The following MSN variants were observed in gnomAD, a reference collection of about 807,000 sequenced individuals.
MSN encodes the protein moesin.
MSN carries 2 observed loss-of-function variants against 48.0 expected under a neutral mutation model. The ratio of observed to expected loss-of-function variants is 0.04; its 90% CI spans 0.02 to 0.13. The LOEUF is 0.13. Ranked by LOEUF, MSN falls within the 10% of genes least tolerant of loss-of-function variation. MSN has a pLI of 1.00. For missense variants in MSN, 267 were observed against 470.1 expected (o/e 0.57, Z 3.99); for synonymous variants, 146 against 166.9 (o/e 0.87, Z 0.97).
chrX:65,641,114 A>C (rs1259994982), intron 1 of MSN, among the ~76,000 whole-genome samples: 2 of 111,355 alleles, frequency 1.8e-5, no homozygotes, highest in Non-Finnish European at 3.8e-5. Flanking sequence ...GTCTATAAAT[A>C]AATAAATAAA....
intron 2 of MSN, among the ~76,000 whole-genome samples, chrX:65,724,814 G>C (rs2071552265): frequency 9.0e-6 from 1 of 110,642 alleles, no homozygotes; most frequent in Non-Finnish European, 1.9e-5. Context: ...AGCCTCCCGA[G>C]TAGCTGGGAC....
intron 1 of MSN, among the ~76,000 whole-genome samples, chrX:65,690,922 T>A (rs1485657129): frequency 9.0e-6 from 1 of 111,393 alleles, no homozygotes; most frequent in Admixed American, 9.5e-5. Flanking sequence ...TTACATGTAG[T>A]ATCCCGAGTA....
chrX:65,739,703 C>G, intron 12 of MSN, 26 bp from the exon 13 acceptor site: 1 of 1,189,684 alleles, frequency 8.4e-7, no homozygotes, highest in Non-Finnish European at 1.1e-6. Context: ...AGCCATTGAC[C>G]TCTGTGTTCC....
chrX:65,739,950 C>T lies in MSN; in HGVS notation c.*57C>T. Reference sequence around the variant, plus strand: ...CTTTTTCCTTGTCCCCACACTCCTACACCTAACTCACCTAACTCATACTGT... The same window carrying T: ...CTTTTTCCTTGTCCCCACACTCCTATACCTAACTCACCTAACTCATACTGT... On this transcript the variant is annotated 3_prime_UTR_variant, in exon 13 of 13. Transcript: ENST00000360270. 1 of 1,080,451 alleles carries T rather than the reference C, an allele frequency of 9.3e-7. No homozygotes were observed. The highest frequency in any genetic ancestry group is 1.3e-6 in the Non-Finnish European group (1 of 795,829). The allele number at this position is 1,080,451 out of a possible 1,213,427, so 89.0% of individuals were successfully genotyped here.
rs1244970793 is a variant in MSN, at chrX:65,718,320, T to C, written c.96+1419T>C. 2.7e-5 allele frequency among the ~76,000 whole-genome samples: 3 copies of C among 110,182 alleles called. No homozygotes were observed. The Middle Eastern group carries it at 0.014, about 512-fold the overall frequency. On this transcript the variant is annotated intron_variant, in intron 2 of 12. Coordinates refer to ENST00000360270, the MANE Select transcript of MSN (RefSeq NM_002444.3). ...ACCTCACAGGATTTTTGTGAGTGTGTTATGTTTTGTATCTTACCTGTTACT... is the reference window on the plus strand; with the variant it reads ...ACCTCACAGGATTTTTGTGAGTGTGCTATGTTTTGTATCTTACCTGTTACT...
intron 1 of MSN, among the ~76,000 whole-genome samples, chrX:65,674,072 C>T (rs1462164606): frequency 1.8e-5 from 2 of 110,697 alleles, no homozygotes; most frequent in Non-Finnish European, 3.8e-5. Context: ...CAGGCTCTGA[C>T]CTTGTCTCAG....
At chrX:65,729,206 C>T (rs1285208782) in intron 3 of MSN, among the ~76,000 whole-genome samples, 7 of 111,554 alleles carry the variant, frequency 6.3e-5, no homozygotes, top group Middle Eastern at 4.6e-3. Context: ...GATCATCAGT[C>T]GGTATTAAGG....
At chrX:65,700,841 A>G (rs7054110) in intron 1 of MSN, among the ~76,000 whole-genome samples, 23,893 of 111,325 alleles carry the variant, frequency 0.21, 6,300 homozygotes, top group African/African-American at 0.74. Flanking sequence ...TTCCCATGGT[A>G]TAAATACTCC....
intron 1 of MSN, among the ~76,000 whole-genome samples, chrX:65,715,975 C>T (rs182489098): frequency 1.2e-4 from 13 of 111,984 alleles, no homozygotes; most frequent in Non-Finnish European, 2.4e-4. Flanking sequence ...TCAGATGGCT[C>T]TTATTATTTT....
At chrX:65,609,511 C>T (rs1231119189) in intron 1 of MSN, among the ~76,000 whole-genome samples, 2 of 111,273 alleles carry the variant, frequency 1.8e-5, no homozygotes, top group South Asian at 3.8e-4. Context: ...TAGGGCTTGA[C>T]CCAAGCCAGG....
chrX:65,617,813 G>C (rs2070390770), intron 1 of MSN, among the ~76,000 whole-genome samples: 2 of 108,400 alleles, frequency 1.8e-5, no homozygotes, highest in South Asian at 8.2e-4. Flanking sequence ...TGTCAATTTT[G>C]GATCTTTCCT....
At chrX:65,652,857 G>A (rs2070752544) in intron 1 of MSN, among the ~76,000 whole-genome samples, 1 of 111,513 alleles carries the variant, frequency 9.0e-6, no homozygotes, top group African/African-American at 3.3e-5. Flanking sequence ...AATATTTTAA[G>A]ATTCTGATTT....
chrX:65,715,007 G>A (rs1297279878), intron 1 of MSN, among the ~76,000 whole-genome samples: 1 of 111,923 alleles, frequency 8.9e-6, no homozygotes, highest in Non-Finnish European at 1.9e-5. Flanking sequence ...TGTGAGATAA[G>A]GATGGGGTCC....
chrX:65,658,969 G>A (rs754319579), intron 1 of MSN, among the ~76,000 whole-genome samples: 2 of 101,171 alleles, frequency 2.0e-5, no homozygotes, highest in South Asian at 4.7e-4. Context: ...CTCAGCCTCC[G>A]GAGTAGCTGG....
At chrX:65,594,547 C>G (rs1052380520) in intron 1 of MSN, among the ~76,000 whole-genome samples, 11 of 110,808 alleles carry the variant, frequency 9.9e-5, no homozygotes, top group African/African-American at 3.6e-4. Context: ...TGGGTAGGGG[C>G]AGAGAAGCAT....
At chrX:65,732,602 G>T (rs1230894861) in intron 6 of MSN, among the ~76,000 whole-genome samples, 1 of 111,240 alleles carries the variant, frequency 9.0e-6, no homozygotes, top group Non-Finnish European at 1.9e-5. Flanking sequence ...TTTTCACTTG[G>T]TGTGCTCTTG....
chrX:65,640,875 G>A (rs1175540443), intron 1 of MSN, among the ~76,000 whole-genome samples: 4 of 111,587 alleles, frequency 3.6e-5, no homozygotes, highest in Non-Finnish European at 5.6e-5. Context: ...TTGAGAGGCC[G>A]AGGTGGGCAG....
chrX:65,630,212 T>C (rs1205971515), intron 1 of MSN, among the ~76,000 whole-genome samples: 3 of 109,405 alleles, frequency 2.7e-5, no homozygotes, highest in Non-Finnish European at 5.7e-5. Flanking sequence ...CATTGGCTTT[T>C]AGTGTCCTCA....
intron 1 of MSN, among the ~76,000 whole-genome samples, chrX:65,673,782 C>T (rs890785232): frequency 3.6e-5 from 4 of 111,870 alleles, no homozygotes; most frequent in African/African-American, 1.3e-4. Context: ...AATCTTCTGC[C>T]TCAGCCTTTA....
Sources: gnomAD v4.1 joint callset for allele counts (sites outside exome capture counted in the v4.1 genomes callset) on GRCh38, gnomAD v4.1.1 for gene constraint, MANE v1.5 for transcripts, NCBI Gene and HGNC (gene_info 2026-07-23, HGNC 2026-07-21) for gene names.